Variants in PID1 observed in about 807,000 individuals in gnomAD.
PID1 encodes the protein PTB-containing, cubilin and LRP1-interacting protein.
PID1 carries 10 observed loss-of-function variants against 19.1 expected under a neutral mutation model. The ratio of observed to expected loss-of-function variants is 0.52; its 90% CI spans 0.32 to 0.89. The LOEUF (loss-of-function observed/expected upper bound fraction) is 0.89. PID1 is among the 40% of genes least tolerant of loss of function. PID1 has a pLI of 0.03. For missense variants in PID1, 248 were observed against 285.3 expected (o/e 0.87, Z 0.94); for synonymous variants, 130 against 116.0 (o/e 1.12, Z -0.78).
chr2:229,074,810 G>C (rs1694525307), intron 2 of PID1, among the ~76,000 whole-genome samples: 1 of 152,060 alleles, frequency 6.6e-6, no homozygotes, highest in Admixed American at 6.6e-5. Context: ...ATAAATTGAT[G>C]GCAAAATATA....
At chr2:229,051,153 G>T (rs990865821) in intron 2 of PID1, among the ~76,000 whole-genome samples, 3 of 152,092 alleles carry the variant, frequency 2.0e-5, no homozygotes, top group African/African-American at 7.2e-5. Context: ...GTGAAGCCCT[G>T]TACCTTTCCA....
intron 1 of PID1, among the ~76,000 whole-genome samples, chr2:229,197,601 TATTATAGAAATAAC>T (rs1274705821): frequency 2.0e-5 from 3 of 152,038 alleles, no homozygotes; most frequent in Non-Finnish European, 4.4e-5. Context: ...AGCATAATTA[TATTATAGAAATAAC>T]GCATGTTTAG....
chr2:229,072,942 A>G (rs1016835596), intron 2 of PID1, among the ~76,000 whole-genome samples: 2 of 152,248 alleles, frequency 1.3e-5, no homozygotes, highest in Non-Finnish European at 2.9e-5. Context: ...GTGTTATAAG[A>G]TGAACAAACC....
intron 2 of PID1, among the ~76,000 whole-genome samples, chr2:229,070,346 C>G (rs757668536): frequency 5.3e-5 from 8 of 152,068 alleles, no homozygotes; most frequent in Admixed American, 6.6e-5. Flanking sequence ...GTTTTATCAT[C>G]GAAAATTGGA....
intron 2 of PID1, among the ~76,000 whole-genome samples, chr2:229,142,945 C>A (rs992794927): frequency 6.7e-6 from 1 of 149,868 alleles, no homozygotes; most frequent in Admixed American, 6.7e-5. Context: ...TGGAACCAAC[C>A]CAAATGTCCA....
chr2:229,202,550 T>C (rs1022490582), intron 1 of PID1, among the ~76,000 whole-genome samples: 1 of 152,024 alleles, frequency 6.6e-6, no homozygotes, highest in Non-Finnish European at 1.5e-5. Context: ...AGTACTCCAG[T>C]TGCCTGATGT....
chr2:229,106,386 T>A (rs1695179937), intron 2 of PID1, among the ~76,000 whole-genome samples: 1 of 152,214 alleles, frequency 6.6e-6, no homozygotes, highest in African/African-American at 2.4e-5. Flanking sequence ...CTTACTGTGC[T>A]CTGCAAAGAA....
intron 2 of PID1, among the ~76,000 whole-genome samples, chr2:229,064,644 CA>C (rs1381526937): frequency 6.6e-6 from 1 of 151,972 alleles, no homozygotes; most frequent in Non-Finnish European, 1.5e-5. Flanking sequence ...AGTGAAAAAG[CA>C]TATTTGTTTG....
At chr2:229,175,151 A>G (rs1422004445) in intron 1 of PID1, among the ~76,000 whole-genome samples, 3 of 152,208 alleles carry the variant, frequency 2.0e-5, no homozygotes, top group Non-Finnish European at 2.9e-5. Context: ...TACAAACAGA[A>G]AAAAAGTTCT....
In PID1 at chr2:229,139,031, GAA is replaced by G. The variant is rs770427984; in HGVS notation, c.177+16785_177+16786del. On this transcript the variant is annotated intron_variant, in intron 2 of 2. Coordinates refer to ENST00000392055, the MANE Select transcript of PID1 (RefSeq NM_001100818.2). ...AGAAAGAAAGAAAGAAAGAAAGAAA[GAA>G]AGAAAGAGAAAGAAAGAAAGAAAGA... Among the ~76,000 whole-genome samples the G allele has an allele frequency of 1.2e-3, 83 of 68,668 alleles. 1 individual carries two copies. Among genetic ancestry groups the G allele is most frequent in the South Asian group, 1.9e-3 (4 of 2,076 alleles). The allele number at this position is 68,668 out of a possible 152,430, so 45.0% of individuals were successfully genotyped here.
chr2:229,082,943 T>A (rs1694697000), intron 2 of PID1, among the ~76,000 whole-genome samples: 2 of 151,990 alleles, frequency 1.3e-5, no homozygotes, highest in Middle Eastern at 3.4e-3. Flanking sequence ...AGGAAAGGGA[T>A]GCACCTCCAA....
At chr2:229,226,211 T>C (rs1209463514) in intron 1 of PID1, among the ~76,000 whole-genome samples, 1 of 152,168 alleles carries the variant, frequency 6.6e-6, no homozygotes, top group Non-Finnish European at 1.5e-5. Context: ...CATTGAGTAG[T>C]ATGAGTCTGA....
intron 2 of PID1, among the ~76,000 whole-genome samples, chr2:229,139,058 AG>A (rs1559251571): frequency 1.6e-3 from 33 of 21,052 alleles, no homozygotes; most frequent in East Asian, 8.1e-3. Flanking sequence ...AGAAAGAAAG[AG>A]AAAGAAAGAA....
chr2:229,175,987 G>T (rs549095805), intron 1 of PID1, among the ~76,000 whole-genome samples: 2 of 152,172 alleles, frequency 1.3e-5, no homozygotes, highest in African/African-American at 4.8e-5. Context: ...TACAACACAG[G>T]CTCCCTGCAC....
At chr2:229,133,072 C>G (rs1024336780) in intron 2 of PID1, among the ~76,000 whole-genome samples, 1 of 152,164 alleles carries the variant, frequency 6.6e-6, no homozygotes, top group East Asian at 1.9e-4. Flanking sequence ...TCCTGGCACT[C>G]TACCTGGAGA....
chr2:229,077,706 G>A (rs1374518727), intron 2 of PID1, among the ~76,000 whole-genome samples: 5 of 152,054 alleles, frequency 3.3e-5, no homozygotes, highest in African/African-American at 1.2e-4. Flanking sequence ...GATGTGCGGT[G>A]TTATTTCTGA....
chr2:229,103,779 A>G (rs1038509709), intron 2 of PID1, among the ~76,000 whole-genome samples: 2 of 151,886 alleles, frequency 1.3e-5, no homozygotes, highest in Non-Finnish European at 2.9e-5. Context: ...GGCTTTCACC[A>G]TCTTGGCCAG....
chr2:229,243,395 G>C (rs1418430426), intron 1 of PID1, among the ~76,000 whole-genome samples: 1 of 151,964 alleles, frequency 6.6e-6, no homozygotes, highest in Non-Finnish European at 1.5e-5. Context: ...CTTTGTGAAG[G>C]GTTCCTTTCT....
chr2:229,235,775 A>G (rs146503765), intron 1 of PID1, among the ~76,000 whole-genome samples: 137 of 152,264 alleles, frequency 9.0e-4, no homozygotes, highest in African/African-American at 3.1e-3. Flanking sequence ...GAAACTGGCT[A>G]ATCGGCATTC....
Sources: gnomAD v4.1 joint callset for allele counts (sites outside exome capture counted in the v4.1 genomes callset) on GRCh38, gnomAD v4.1.1 for gene constraint, MANE v1.5 for transcripts, NCBI Gene and HGNC (gene_info 2026-07-23, HGNC 2026-07-21) for gene names.